Variants in DKK2 observed in about 807,000 individuals in gnomAD.
DKK2 encodes dickkopf Wnt signaling pathway inhibitor 2.
A neutral mutation model predicts 28.1 loss-of-function variants in DKK2; 11 were observed. The observed-to-expected ratio is 0.39, with a 90% CI of 0.25 to 0.65. The LOEUF is 0.65. DKK2 is among the 30% of genes least tolerant of loss of function. DKK2 has a pLI of 0.47. For missense variants in DKK2, 326 were observed against 335.5 expected, an observed-to-expected ratio of 0.97 and a Z score of 0.22; for synonymous variants, 135 against 126.5, an observed-to-expected ratio of 1.07 and a Z score of -0.45.
chr4:106,939,047 G>A (rs1275151562), intron 1 of DKK2, among the ~76,000 whole-genome samples: 1 of 152,018 alleles, frequency 6.6e-6, no homozygotes, highest in African/African-American at 2.4e-5. Flanking sequence ...ATTGAAAACT[G>A]GCACAAGACA....
chr4:107,029,023 CG>C (rs1340392473), intron 1 of DKK2, among the ~76,000 whole-genome samples: 1 of 151,894 alleles, frequency 6.6e-6, no homozygotes, highest in Non-Finnish European at 1.5e-5. Context: ...TATGGGAGGA[CG>C]GGGGGCAAGT....
chr4:106,962,374 G>A (rs912219818), intron 1 of DKK2, among the ~76,000 whole-genome samples: 4 of 151,928 alleles, frequency 2.6e-5, no homozygotes, highest in Non-Finnish European at 5.9e-5. Flanking sequence ...AAATGCAACA[G>A]AATAGAGAAT....
intron 1 of DKK2, among the ~76,000 whole-genome samples, chr4:106,990,684 C>T (rs184959880): frequency 2.8e-4 from 42 of 152,212 alleles, no homozygotes; most frequent in Non-Finnish European, 4.9e-4. Context: ...TCTCTCCAAG[C>T]ACCTCTTACA....
In DKK2 at chr4:107,029,475, C is replaced by T. The variant is rs771835819; in HGVS notation, c.222+5895G>A. Among the ~76,000 whole-genome samples, 12 of 152,196 alleles carry T rather than the reference C, an allele frequency of 7.9e-5. No homozygotes were observed. In the South Asian group the frequency reaches 1.0e-3, roughly 13 times the overall value. On this transcript the variant is annotated intron_variant, in intron 1 of 3. Coordinates refer to ENST00000285311, the MANE Select transcript of DKK2 (RefSeq NM_014421.3). ...CTGCCTAGAGGATCAAAAGAGTTAA[C>T]GCAATTGACGATTTAGTTTCATGCC...
chr4:107,003,654 A>G (rs1418099952), intron 1 of DKK2, among the ~76,000 whole-genome samples: 1 of 152,238 alleles, frequency 6.6e-6, no homozygotes, highest in Non-Finnish European at 1.5e-5. Context: ...CCAAGCATAT[A>G]CACCAGATGT....
At chr4:107,034,069 T>A (rs1578386284) in intron 1 of DKK2, among the ~76,000 whole-genome samples, 2 of 151,436 alleles carry the variant, frequency 1.3e-5, no homozygotes, top group East Asian at 3.9e-4. Flanking sequence ...CTGGGAAGAG[T>A]TCTGGAACTG....
intron 1 of DKK2, among the ~76,000 whole-genome samples, chr4:106,960,114 TTATATA>T (rs3082967): frequency 6.8e-6 from 1 of 146,442 alleles, no homozygotes; most frequent in Non-Finnish European, 1.5e-5. Context: ...AGAAAAAATG[TTATATA>T]TATATATATA....
chr4:106,939,598 GA>G, intron 1 of DKK2, among the ~76,000 whole-genome samples: 1 of 152,224 alleles, frequency 6.6e-6, no homozygotes, highest in East Asian at 1.9e-4. Flanking sequence ...CACAGAATTG[GA>G]AAAAACTACT....
rs969301977 is a variant in DKK2 at position 106,928,972 on chromosome 4, C to T, written c.223-3023G>A. Among the ~76,000 whole-genome samples, 4 of 151,982 alleles carry T rather than the reference C, an allele frequency of 2.6e-5. No individual in the cohort carries two copies. The East Asian group carries it at 5.8e-4, about 22-fold the overall frequency. The stretch of plus-strand genomic sequence containing the variant: ...GTAGTTGTGGATGACCCTGAAGAAG[C>T]GATGACTGTGGCAATGAAAGGACTG... On this transcript the variant is annotated intron_variant, in intron 1 of 3. Coordinates refer to ENST00000285311, the MANE Select transcript of DKK2 (RefSeq NM_014421.3).
intron 1 of DKK2, among the ~76,000 whole-genome samples, chr4:106,929,962 G>A (rs1005528587): frequency 7.2e-5 from 11 of 152,082 alleles, no homozygotes; most frequent in African/African-American, 1.9e-4. Flanking sequence ...AGGATACATC[G>A]ACAAGGTGAC....
At chr4:106,996,347 G>A (rs1020566171) in intron 1 of DKK2, among the ~76,000 whole-genome samples, 12 of 152,142 alleles carry the variant, frequency 7.9e-5, no homozygotes, top group Admixed American at 5.9e-4. Context: ...GTTTGGACCA[G>A]GATTCCATTC....
intron 1 of DKK2, among the ~76,000 whole-genome samples, chr4:106,971,926 C>T (rs1476848050): frequency 6.6e-6 from 1 of 152,010 alleles, no homozygotes; most frequent in African/African-American, 2.4e-5. Context: ...TCATTATTTT[C>T]TTTTTCCACT....
intron 1 of DKK2, among the ~76,000 whole-genome samples, chr4:106,960,224 T>C (rs1722667009): frequency 6.6e-6 from 1 of 151,314 alleles, no homozygotes; most frequent in Non-Finnish European, 1.5e-5. Context: ...ATATAAAATA[T>C]GGAATACTAC....
chr4:106,946,506 A>C (rs1047295033), intron 1 of DKK2, among the ~76,000 whole-genome samples: 3 of 151,982 alleles, frequency 2.0e-5, no homozygotes, highest in Non-Finnish European at 4.4e-5. Flanking sequence ...TATCTCTGAC[A>C]TTTCCACTTA....
intron 1 of DKK2, among the ~76,000 whole-genome samples, chr4:106,941,658 C>A (rs1374757045): frequency 1.3e-5 from 2 of 152,102 alleles, no homozygotes; most frequent in Non-Finnish European, 2.9e-5. Flanking sequence ...AAACTCAGGA[C>A]AAACTATGTT....
chr4:106,976,813 G>A (rs1452550114), intron 1 of DKK2, among the ~76,000 whole-genome samples: 1 of 152,144 alleles, frequency 6.6e-6, no homozygotes, highest in Non-Finnish European at 1.5e-5. Context: ...CCCATTAGTT[G>A]ATGCAGTTTC....
At chr4:106,964,652 T>G (rs1397658029) in intron 1 of DKK2, among the ~76,000 whole-genome samples, 1 of 152,108 alleles carries the variant, frequency 6.6e-6, no homozygotes, top group African/African-American at 2.4e-5. Context: ...CATTTTGCTG[T>G]GAAGGTAATT....
At chr4:106,924,522 C>T (rs749456498) in intron 3 of DKK2, 23 bp downstream of exon 3, 1 of 1,601,894 alleles carries the variant, frequency 6.2e-7, no homozygotes, top group Non-Finnish European at 8.5e-7. Flanking sequence ...TTAAAAAAAC[C>T]CCAGAACTAC....
chr4:106,939,329 G>A (rs1357704498), intron 1 of DKK2, among the ~76,000 whole-genome samples: 2 of 152,158 alleles, frequency 1.3e-5, no homozygotes, highest in Non-Finnish European at 2.9e-5. Context: ...CAGACAGAGA[G>A]CCAAATCATG....
Sources: gnomAD v4.1 joint callset for allele counts (sites outside exome capture counted in the v4.1 genomes callset) on GRCh38, gnomAD v4.1.1 for gene constraint, MANE v1.5 for transcripts, NCBI Gene and HGNC (gene_info 2026-07-23, HGNC 2026-07-21) for gene names.